Variants in CPEB3 observed in about 807,000 individuals in gnomAD.
CPEB3 encodes the protein cytoplasmic polyadenylation element binding protein 3.
Under a neutral mutation model 67.2 loss-of-function variants are expected in CPEB3, and 20 were observed. The observed-to-expected ratio is 0.30, with a 90% confidence interval of 0.21 to 0.43. The LOEUF (loss-of-function observed/expected upper bound fraction) is 0.43. CPEB3 is among the 20% of genes least tolerant of loss of function. The pLI, the probability that CPEB3 is intolerant of heterozygous loss-of-function variation, is 1.00. For missense variants in CPEB3, 746 were observed against 968.6 expected (o/e 0.77, Z 3.05); for synonymous variants, 376 against 393.1 (o/e 0.96, Z 0.51).
intron 4 of CPEB3, among the ~76,000 whole-genome samples, chr10:92,159,005 T>C (rs1337361752): frequency 6.6e-6 from 1 of 152,228 alleles, no homozygotes; most frequent in Non-Finnish European, 1.5e-5. Context: ...CTCACACCTG[T>C]AATCCCAGCA....
chr10:92,074,016 T>A (rs1443724647), intron 9 of CPEB3, among the ~76,000 whole-genome samples: 3 of 152,194 alleles, frequency 2.0e-5, no homozygotes, highest in African/African-American at 7.2e-5. Flanking sequence ...CTGTGCAAAG[T>A]GCTCTCTGGT....
At chr10:92,283,539 A>G (rs1842392628) in intron 1 of CPEB3, among the ~76,000 whole-genome samples, 1 of 151,976 alleles carries the variant, frequency 6.6e-6, no homozygotes, top group African/African-American at 2.4e-5. Context: ...CTTTGCAGAG[A>G]TTCTCTAACA....
chr10:92,057,128 G>T (rs1249551257), intron 9 of CPEB3, among the ~76,000 whole-genome samples: 1 of 152,158 alleles, frequency 6.6e-6, no homozygotes, highest in Non-Finnish European at 1.5e-5. Context: ...TACCAGTACG[G>T]CCACAGTTGG....
chr10:92,139,610 A>C (rs1332617974), intron 6 of CPEB3, among the ~76,000 whole-genome samples: 2 of 152,208 alleles, frequency 1.3e-5, no homozygotes, highest in Non-Finnish European at 2.9e-5. Context: ...AATGAATAAG[A>C]TCTTGTCTTT....
intron 9 of CPEB3, among the ~76,000 whole-genome samples, chr10:92,074,362 C>A (rs1769383282): frequency 6.6e-6 from 1 of 152,162 alleles, no homozygotes; most frequent in South Asian, 2.1e-4. Context: ...TGTAGTTACA[C>A]TGAAAGACAG....
chr10:92,076,779 G>A (rs1842950294), intron 9 of CPEB3, among the ~76,000 whole-genome samples: 1 of 148,948 alleles, frequency 6.7e-6, no homozygotes, highest in African/African-American at 2.5e-5. Flanking sequence ...AGAAGAAGGA[G>A]GAAGGAAGAA....
chr10:92,239,267 G>A lies in CPEB3; in HGVS notation c.1005+79C>T. ...TTGCTGCCCTTTTTAAATATAAGCG[G>A]GTGGATGATTAAAAGTCAGAGAAGT... On this transcript the variant is annotated intron_variant, in intron 2 of 9. Transcript: ENST00000265997. This position sits in a 1 kb window ranked among gnomAD's most constrained non-coding sequence, Gnocchi z 6.0. 6.8e-7 allele frequency: 1 copy of A among 1,460,410 alleles called. No individual in the cohort carries two copies. The highest frequency in any genetic ancestry group is 1.2e-5 in the South Asian group (1 of 80,446). 90.5% of individuals were successfully genotyped at this position (1,460,410 alleles called of 1,614,324 possible).
At chr10:92,187,759 C>T (rs1848759851) in intron 3 of CPEB3, among the ~76,000 whole-genome samples, 1 of 152,002 alleles carries the variant, frequency 6.6e-6, no homozygotes, top group African/African-American at 2.4e-5. Context: ...TACCCCACCT[C>T]TCTCAACACG....
At chr10:92,240,650 G>A (rs1283945158) in intron 1 of CPEB3, among the ~76,000 whole-genome samples, 5 of 152,130 alleles carry the variant, frequency 3.3e-5, no homozygotes, top group African/African-American at 1.2e-4. Flanking sequence ...AGAAAAGACA[G>A]CAATTTCGCC....
intron 8 of CPEB3, among the ~76,000 whole-genome samples, chr10:92,091,178 G>T (rs1389623879): frequency 6.6e-6 from 1 of 152,134 alleles, no homozygotes; most frequent in African/African-American, 2.4e-5. Context: ...TAACACAAAA[G>T]AAATGTACTT....
intron 1 of CPEB3, among the ~76,000 whole-genome samples, chr10:92,290,551 G>T (rs913591132): frequency 6.6e-6 from 1 of 152,178 alleles, no homozygotes; most frequent in Non-Finnish European, 1.5e-5. Flanking sequence ...CCTGGAGAGG[G>T]AGAGAATCAT....
At chr10:92,079,836 G>C (rs946982561) in intron 9 of CPEB3, among the ~76,000 whole-genome samples, 9 of 152,138 alleles carry the variant, frequency 5.9e-5, no homozygotes, top group African/African-American at 2.2e-4. Context: ...TTATAGTCCA[G>C]TGATGCCCCA....
At chr10:92,159,517 C>T (rs906776848) in intron 4 of CPEB3, among the ~76,000 whole-genome samples, 6 of 151,796 alleles carry the variant, frequency 4.0e-5, no homozygotes, top group African/African-American at 1.2e-4. Context: ...ACTAAAAATA[C>T]AAAAATTAGC....
intron 2 of CPEB3, among the ~76,000 whole-genome samples, chr10:92,194,075 C>T (rs182147053): frequency 2.6e-5 from 4 of 151,132 alleles, no homozygotes; most frequent in East Asian, 4.1e-4. Context: ...GGATTACAGG[C>T]GTGAGACACC....
intron 4 of CPEB3, among the ~76,000 whole-genome samples, chr10:92,154,469 C>T (rs148732828): frequency 6.6e-6 from 1 of 152,108 alleles, no homozygotes; most frequent in Non-Finnish European, 1.5e-5. Context: ...AAGAGTCTAC[C>T]TTCAATGTCC....
At chr10:92,269,266 T>C (rs913551552) in intron 1 of CPEB3, among the ~76,000 whole-genome samples, 4 of 152,060 alleles carry the variant, frequency 2.6e-5, no homozygotes, top group African/African-American at 9.7e-5. Flanking sequence ...AACACCACAG[T>C]ATCTACTATC....
chr10:92,118,544 T>C (rs1845155247), intron 6 of CPEB3: 1 of 231,722 alleles, frequency 4.3e-6, no homozygotes, highest in Non-Finnish European at 8.5e-6. Context: ...AAGGATATTC[T>C]ATAAAACAAT....
chr10:92,052,422 A>G lies in CPEB3; in HGVS notation c.1887T>C (p.Tyr629=), dbSNP rs1157339876. Residue 629 remains tyrosine, a synonymous_variant, in exon 10 of 10, where the codon TAT becomes TAC. Transcript: ENST00000265997. ...CATCACACATCTGATCATCCAGCAC[A>G]TATGGCTTTACTTCAACCTGGACCC... ...DIDKRVEVKP[Y]VLDDQMCDEC... is the part of the protein sequence containing the mutation. 2.5e-6 allele frequency: 4 copies of G among 1,610,102 alleles called. No individual in the cohort carries two copies. The highest frequency in any genetic ancestry group is 3.4e-6 in the Non-Finnish European group (4 of 1,176,682).
At chr10:92,059,325 C>CAAAAAAA (rs61034093) in intron 9 of CPEB3, among the ~76,000 whole-genome samples, 2 of 101,230 alleles carry the variant, frequency 2.0e-5, no homozygotes, top group East Asian at 3.0e-4. Context: ...GAAACTCTGT[C>CAAAAAAA]AAAAAAAAAA....
Sources: gnomAD v4.1 joint callset for allele counts (sites outside exome capture counted in the v4.1 genomes callset) on GRCh38, gnomAD v4.1.1 for gene constraint, Gnocchi (gnomAD v3.1) non-coding constraint, MANE v1.5 for transcripts, NCBI Gene and HGNC (gene_info 2026-07-23, HGNC 2026-07-21) for gene names.